Variants in PCDH15 observed in about 807,000 individuals in gnomAD.
The protein encoded by PCDH15 is protocadherin-15.
PCDH15 carries 129 observed loss-of-function variants against 178.5 expected under a neutral mutation model. That is an observed-to-expected ratio of 0.72 (90% CI 0.63 to 0.84). The LOEUF (loss-of-function observed/expected upper bound fraction) is 0.84. PCDH15 is among the 40% of genes least tolerant of loss of function. The probability of loss-of-function intolerance (pLI) is 0.00; values close to 1 mark genes in which losing one functional copy is unlikely to be tolerated. For synonymous variants in PCDH15, 800 were observed against 732.0 expected, an observed-to-expected ratio of 1.09 and a Z score of -1.50; for missense variants, 2,230 against 2,099.9, an observed-to-expected ratio of 1.06 and a Z score of -1.21.
At chr10:53,852,806 G>T (rs1437458113) in intron 28 of PCDH15, among the ~76,000 whole-genome samples, 1 of 152,018 alleles carries the variant, frequency 6.6e-6, no homozygotes, top group Non-Finnish European at 1.5e-5. Flanking sequence ...ATCGGATAGG[G>T]ATGTCTCAAG....
chr10:54,909,753 T>C (rs1477955137), intron 2 of PCDH15, among the ~76,000 whole-genome samples: 2 of 152,072 alleles, frequency 1.3e-5, no homozygotes, highest in Admixed American at 6.6e-5. Context: ...CAGTTGCTCC[T>C]GGGGAGCAGA....
intron 2 of PCDH15, among the ~76,000 whole-genome samples, chr10:55,112,697 A>C (rs182575038): frequency 6.6e-6 from 1 of 152,322 alleles, no homozygotes; most frequent in Non-Finnish European, 1.5e-5. Flanking sequence ...TCAGCATGTT[A>C]AAGCTCATGC....
chr10:55,179,595 G>T (rs1286468016), intron 1 of PCDH15, among the ~76,000 whole-genome samples: 1 of 151,908 alleles, frequency 6.6e-6, no homozygotes, highest in African/African-American at 2.4e-5. Context: ...CACAAAGTTA[G>T]CTTACCCACT....
At chr10:55,307,268 C>T (rs1451545037) in intron 1 of PCDH15, among the ~76,000 whole-genome samples, 1 of 151,754 alleles carries the variant, frequency 6.6e-6, no homozygotes, top group Non-Finnish European at 1.5e-5. Context: ...TTTGGGAGGC[C>T]GAGGCAGGCG....
chr10:54,622,641 A>ATAATATATATTATAT, intron 2 of PCDH15, among the ~76,000 whole-genome samples: 9 of 39,432 alleles, frequency 2.3e-4, no homozygotes, highest in African/African-American at 1.1e-3. Flanking sequence ...TATATTATAT[A>ATAATATATATTATAT]ATTATATATA....
intron 1 of PCDH15, among the ~76,000 whole-genome samples, chr10:55,226,683 A>G (rs1014862067): frequency 6.6e-6 from 1 of 152,040 alleles, no homozygotes; most frequent in East Asian, 1.9e-4. Context: ...CGCCCGGCCA[A>G]GAATAGTTAA....
rs142117867 is a variant in PCDH15 at position 55,309,143 on chromosome 10, G to T, written c.-156+10456C>A. Among the ~76,000 whole-genome samples the T allele has an allele frequency of 5.1e-3, 771 of 152,206 alleles. 10 individuals carry two copies. The highest frequency in any genetic ancestry group is 0.017 in the African/African-American group (718 of 41,530). ...ATTTAAGCGTTCTCTTACAATGGCT[G>T]CTCTTTTAGCTATTTATTTGCAAAT... is the stretch of plus-strand genomic sequence containing the variant. On this transcript the variant is annotated intron_variant, in intron 1 of 5. Coordinates refer to the PCDH15 transcript ENST00000458638.
chr10:53,908,165 C>G (rs61858349), intron 25 of PCDH15, among the ~76,000 whole-genome samples: 3,380 of 152,176 alleles, frequency 0.022, 40 homozygotes, highest in Non-Finnish European at 0.035. Context: ...GATAGGGGAA[C>G]GTAGTGCTAC....
At chr10:55,503,682 C>T (rs1027477003) in intron 2 of PCDH15, among the ~76,000 whole-genome samples, 1 of 151,244 alleles carries the variant, frequency 6.6e-6, no homozygotes, top group African/African-American at 2.4e-5. Flanking sequence ...AAAGGTGCTC[C>T]ATATCATATG....
At position 53,982,523 on chromosome 10, in the gene PCDH15, A is replaced by G. The variant is rs2090739928; in HGVS notation, c.2868+13126T>C. 2.6e-5 allele frequency among the ~76,000 whole-genome samples: 4 copies of G among 152,088 alleles called. 1 individual carries two copies. In the South Asian group the frequency reaches 8.4e-4, roughly 32 times the overall value. On this transcript the variant is annotated intron_variant, in intron 21 of 37. Transcript: ENST00000644397. The stretch of plus-strand genomic sequence containing the variant: ...TGATGAGTTCATGTCCTTTGTAGGG[A>G]CATGGATGAAGCTGGAAACCATCAT...
chr10:54,290,793 CAAAG>C (rs1232114936), intron 8 of PCDH15, among the ~76,000 whole-genome samples: 1 of 152,090 alleles, frequency 6.6e-6, no homozygotes, highest in Non-Finnish European at 1.5e-5. Context: ...TCAGAAGAGA[CAAAG>C]AAGGCCATTA....
intron 2 of PCDH15, among the ~76,000 whole-genome samples, chr10:55,363,564 G>C (rs955819030): frequency 3.3e-5 from 5 of 152,108 alleles, no homozygotes; most frequent in African/African-American, 9.7e-5. Context: ...ATCATCATTA[G>C]CTATAGTTAC....
chr10:54,203,476 A>G (rs1414661644), intron 10 of PCDH15, among the ~76,000 whole-genome samples: 1 of 152,168 alleles, frequency 6.6e-6, no homozygotes, highest in Non-Finnish European at 1.5e-5. Flanking sequence ...TCAGATTGAG[A>G]AAAAAAGCAG....
At chr10:55,449,330 A>G (rs1839383838) in intron 2 of PCDH15, among the ~76,000 whole-genome samples, 1 of 152,048 alleles carries the variant, frequency 6.6e-6, no homozygotes, top group African/African-American at 2.4e-5. Flanking sequence ...CATCAGAAAC[A>G]AATGCGGATT....
At chr10:54,007,184 T>A (rs1271638473) in intron 20 of PCDH15, among the ~76,000 whole-genome samples, 1 of 152,200 alleles carries the variant, frequency 6.6e-6, no homozygotes, top group Admixed American at 6.5e-5. Context: ...ACGCAGACTC[T>A]AAGACCAGGT....
chr10:54,513,551 T>C (rs1048644977), intron 3 of PCDH15, among the ~76,000 whole-genome samples: 1 of 152,190 alleles, frequency 6.6e-6, no homozygotes, highest in Non-Finnish European at 1.5e-5. Context: ...AACAAAATTT[T>C]TGTCATCATT....
At chr10:55,125,923 G>T (rs553607453) in intron 2 of PCDH15, among the ~76,000 whole-genome samples, 1 of 152,088 alleles carries the variant, frequency 6.6e-6, no homozygotes, top group East Asian at 1.9e-4. Context: ...TTGGCTAAAC[G>T]GTGTTCTTTA....
At chr10:55,152,966 A>G (rs1838776223) in intron 2 of PCDH15, among the ~76,000 whole-genome samples, 1 of 151,938 alleles carries the variant, frequency 6.6e-6, no homozygotes, top group Non-Finnish European at 1.5e-5. Flanking sequence ...TTTTTTTTTA[A>G]TGTAGGTATA....
intron 15 of PCDH15, among the ~76,000 whole-genome samples, chr10:54,101,376 A>AG (rs2094809299): frequency 6.6e-6 from 1 of 152,154 alleles, no homozygotes; most frequent in African/African-American, 2.4e-5. Context: ...GATGGTGGGG[A>AG]GGGGAACATA....
Sources: gnomAD v4.1 joint callset for allele counts (sites outside exome capture counted in the v4.1 genomes callset) on GRCh38, gnomAD v4.1.1 for gene constraint, MANE v1.5 for transcripts, NCBI Gene and HGNC (gene_info 2026-07-23, HGNC 2026-07-21) for gene names.